MYH10: variants seen among roughly 807,000 people sequenced by gnomAD.
The protein encoded by MYH10 is myosin-10.
Under a neutral mutation model 257.8 loss-of-function variants are expected in MYH10, and 55 were observed. The ratio of observed to expected loss-of-function variants is 0.21; its 90% CI spans 0.17 to 0.27. MYH10 has a LOEUF of 0.27. MYH10 is among the 10% of genes least tolerant of loss of function. The probability of loss-of-function intolerance (pLI) is 1.00; values close to 1 mark genes in which losing one functional copy is unlikely to be tolerated. For missense variants in MYH10, 1,631 were observed against 2,500.6 expected (o/e 0.65, Z 7.42); for synonymous variants, 854 against 921.7 (o/e 0.93, Z 1.33).
Position 8,477,062 on chromosome 17 carries a change from C to A in MYH10, c.5707-14G>T, listed in dbSNP as rs1219731711. ...GGCCTTCTCCATCTTGGGGAGGGTA[C>A]ATGAACCAAAACAAACCAAACTGGT... is the stretch of plus-strand genomic sequence containing the variant. On this transcript the variant is annotated splice_polypyrimidine_tract_variant and intron_variant, in intron 41 of 42. Transcript: ENST00000360416. This position sits in a 1 kb window ranked among gnomAD's most constrained non-coding sequence, Gnocchi z 4.2. The A allele has an allele frequency of 1.2e-6, 2 of 1,613,404 alleles. No homozygotes were observed. The highest frequency in any genetic ancestry group is 2.7e-5 in the African/African-American group (2 of 74,932).
chr17:8,552,240 CTTCT>C lies in MYH10; in HGVS notation c.821-100_821-97del, dbSNP rs1567889861. The C allele has an allele frequency of 2.1e-5, 11 of 513,782 alleles. No individual in the cohort carries two copies. Among genetic ancestry groups the C allele is most frequent in the Non-Finnish European group, 3.6e-5 (11 of 306,848 alleles). The allele number at this position is 513,782 out of a possible 1,614,324, so 31.8% of individuals were successfully genotyped here. On this transcript the variant is annotated intron_variant, in intron 8 of 42. Coordinates refer to ENST00000360416, the MANE Select transcript of MYH10 (RefSeq NM_001256012.3). The surrounding 1 kb of genome is among the most constrained non-coding windows in gnomAD (Gnocchi z 4.8). ...TCTGTAAATTTAAATCATAAAACAT[CTTCT>C]TTCTCTGATTATTATATAAACTATC... is the stretch of plus-strand genomic sequence containing the variant.
chr17:8,531,603 CT>C (rs1268483016), intron 16 of MYH10, among the ~76,000 whole-genome samples: 5 of 148,004 alleles, frequency 3.4e-5, no homozygotes, highest in African/African-American at 1.3e-4. Flanking sequence ...GTTGCCCAGG[CT>C]GGTCTTAAAC....
intron 17 of MYH10, among the ~76,000 whole-genome samples, chr17:8,525,217 G>A (rs111518230): frequency 6.6e-6 from 1 of 152,108 alleles, no homozygotes; most frequent in African/African-American, 2.4e-5. Flanking sequence ...CTACCTCAGG[G>A]AACCCTTCTT....
Position 8,604,848 on chromosome 17 carries a change from A to G in MYH10, c.480T>C (p.Ser160=). ...MPPHIYAISE[S]AYRCMLQDRE... ...TACCTTGAAGCATGCATCTGTAAGC[A>G]GATTCAGATATAGCATAGATGTGTG... Residue 160 remains serine, a synonymous_variant, in exon 3 of 43, where the codon TCT becomes TCC. Transcript: ENST00000360416. The G allele has an allele frequency of 6.4e-7, 1 of 1,571,490 alleles. No homozygotes were observed. Among genetic ancestry groups the G allele is most frequent in the Non-Finnish European group, 8.6e-7 (1 of 1,159,486 alleles).
In MYH10 at chr17:8,552,817, C is replaced by T. The variant is rs188445445; in HGVS notation, c.821-673G>A. 4.6e-5 allele frequency among the ~76,000 whole-genome samples: 7 copies of T among 152,372 alleles called. No individual in the cohort carries two copies. The highest frequency in any genetic ancestry group is 1.3e-4 in the Admixed American group (2 of 15,308). On this transcript the variant is annotated intron_variant, in intron 8 of 42. Transcript: ENST00000360416. The surrounding 1 kb of genome is among the most constrained non-coding windows in gnomAD (Gnocchi z 4.8). ...GAAGAACCGGTGCGGCCAGTACCTA[C>T]GCCTGCTGCTACCCACCCTGCCTGG...
Position 8,569,824 on chromosome 17 carries a change from T to TAC in MYH10, c.664-14_664-13dup, listed in dbSNP as rs781301559. Reference sequence around the variant, plus strand: ...CGTTCAAGTTCCCCCTAAAAGACATTACACACACACAAATAAAAGCAGATG... The same window carrying TAC: ...CGTTCAAGTTCCCCCTAAAAGACATTACACACACACACAAATAAAAGCAGATG... On this transcript the variant is annotated splice_polypyrimidine_tract_variant and intron_variant, in intron 6 of 42. Coordinates refer to ENST00000360416, the MANE Select transcript of MYH10 (RefSeq NM_001256012.3). This position sits in a 1 kb window ranked among gnomAD's most constrained non-coding sequence, Gnocchi z 4.1. 30 of 1,581,604 alleles carry TAC rather than the reference T, an allele frequency of 1.9e-5. No homozygotes were observed. Among genetic ancestry groups the TAC allele is most frequent in the Admixed American group, 6.9e-5 (4 of 58,072 alleles).
intron 7 of MYH10, among the ~76,000 whole-genome samples, chr17:8,558,585 A>G (rs2082885270): frequency 6.6e-6 from 1 of 152,252 alleles, no homozygotes; most frequent in Admixed American, 6.5e-5. Flanking sequence ...CTAAGTTGTA[A>G]CATCTACTAT....
Position 8,508,721 on chromosome 17 carries a change from G to T in MYH10, c.3091-44C>A. ...CTGCTTCAGAAAAGCCATTCAGAAT[G>T]ACCACTTGGGTTCTGTATTCCTCAT... On this transcript the variant is annotated intron_variant, in intron 25 of 42. Coordinates refer to ENST00000360416, the MANE Select transcript of MYH10 (RefSeq NM_001256012.3). The T allele has an allele frequency of 1.9e-6, 3 of 1,609,748 alleles. No homozygotes were observed. The South Asian group carries it at 3.3e-5, about 18-fold the overall frequency.
rs1020191474 is a variant in MYH10, at chr17:8,619,824, G to A, written c.345+3078C>T. Among the ~76,000 whole-genome samples the A allele has an allele frequency of 2.0e-5, 3 of 152,172 alleles. 1 individual carries two copies. The highest frequency in any genetic ancestry group is 4.4e-5 in the Non-Finnish European group (3 of 68,024). ...GCCTGTAATCCTAGCTGATAGGGAGGCTGAGGCAGGAGAATCACTTGAACC... is the reference window on the plus strand; with the variant it reads ...GCCTGTAATCCTAGCTGATAGGGAGACTGAGGCAGGAGAATCACTTGAACC... On this transcript the variant is annotated intron_variant, in intron 2 of 42. Transcript: ENST00000360416.
intron 4 of MYH10, among the ~76,000 whole-genome samples, chr17:8,582,421 A>C (rs942158271): frequency 2.0e-5 from 3 of 151,978 alleles, no homozygotes; most frequent in African/African-American, 7.2e-5. Flanking sequence ...CTTACACTTT[A>C]AGTGGCTGGT....
intron 3 of MYH10, among the ~76,000 whole-genome samples, chr17:8,590,036 C>T (rs1364645271): frequency 6.6e-6 from 1 of 152,088 alleles, no homozygotes; most frequent in African/African-American, 2.4e-5. Flanking sequence ...TTTGTCATTG[C>T]CTAGAAAGGA....
chr17:8,613,287 G>A lies in MYH10; in HGVS notation c.346-8305C>T, dbSNP rs187703193. Among the ~76,000 whole-genome samples, 33 of 152,208 alleles carry A rather than the reference G, an allele frequency of 2.2e-4. No individual in the cohort carries two copies. The East Asian group carries it at 6.0e-3, about 28-fold the overall frequency. On this transcript the variant is annotated intron_variant, in intron 2 of 42. Transcript: ENST00000360416. ...GGACGAGTAGATACTTCAGATAAAAGGGGCCCTTTCTAAAAGAACGGAAGC... is the reference window on the plus strand; with the variant it reads ...GGACGAGTAGATACTTCAGATAAAAAGGGCCCTTTCTAAAAGAACGGAAGC...
chr17:8,607,122 AT>A (rs2084841638), intron 2 of MYH10, among the ~76,000 whole-genome samples: 1 of 152,208 alleles, frequency 6.6e-6, no homozygotes, highest in African/African-American at 2.4e-5. Flanking sequence ...ACGTTAACAA[AT>A]CGCAACCATA....
At chr17:8,487,684 C>T (rs1915098822) in intron 35 of MYH10, 90 bp from the exon 36 acceptor site, 1 of 1,478,074 alleles carries the variant, frequency 6.8e-7, no homozygotes, top group African/African-American at 1.4e-5. Context: ...GCTCTGGTTA[C>T]TCGGGTGAGT....
Position 8,535,665 on chromosome 17 carries a change from G to C in MYH10, c.1779+93C>G, listed in dbSNP as rs1335391776. On this transcript the variant is annotated intron_variant, in intron 15 of 42. Transcript: ENST00000360416. The surrounding 1 kb of genome is among the most constrained non-coding windows in gnomAD (Gnocchi z 4.3). ...ATATATACTGTATTTGTTTATAAAT[G>C]TTTATCAGCACCTTTGTTACACCTT... The C allele has an allele frequency of 7.4e-7, 1 of 1,346,268 alleles. No individual in the cohort carries two copies. Among genetic ancestry groups the C allele is most frequent in the Non-Finnish European group, 1.0e-6 (1 of 968,894 alleles). 83.4% of individuals were successfully genotyped at this position (1,346,268 alleles called of 1,614,324 possible).
intron 7 of MYH10, among the ~76,000 whole-genome samples, chr17:8,559,863 C>T (rs567853429): frequency 6.6e-6 from 1 of 152,268 alleles, no homozygotes; most frequent in East Asian, 1.9e-4. Flanking sequence ...ATTATCTATA[C>T]ACTACCTCAT....
At chr17:8,512,718 C>T (rs1368493841) in intron 23 of MYH10, 61 bp from the exon 24 acceptor site, 31 of 1,364,614 alleles carry the variant, frequency 2.3e-5, no homozygotes, top group Middle Eastern at 1.8e-4. Flanking sequence ...AGTATATATT[C>T]GCCGTGATTT....
At position 8,572,240 on chromosome 17, in the gene MYH10, G is replaced by GTT. The variant is rs869152456; in HGVS notation, c.664-2429_664-2428insAA. On this transcript the variant is annotated intron_variant, in intron 6 of 42. Transcript: ENST00000360416. The stretch of plus-strand genomic sequence containing the variant: ...TTTCTTTTCCTCTCTGTGTGTGTGT[G>GTT]TGTGTGTGTGTGTGTGTGAGTGAGA... Among the ~76,000 whole-genome samples, 26 of 146,030 alleles carry GTT rather than the reference G, an allele frequency of 1.8e-4. No individual in the cohort carries two copies. In the South Asian group the frequency reaches 3.7e-3, roughly 21 times the overall value.
At chr17:8,612,398 G>GA (rs2085075504) in intron 2 of MYH10, among the ~76,000 whole-genome samples, 2 of 152,142 alleles carry the variant, frequency 1.3e-5, no homozygotes, top group Admixed American at 1.3e-4. Flanking sequence ...CTAGGAAAAA[G>GA]AAATTCATCA....
Sources: allele counts gnomAD v4.1 joint callset (sites outside exome capture counted in the v4.1 genomes callset), GRCh38; gene constraint gnomAD v4.1.1; non-coding constraint Gnocchi (gnomAD v3.1); transcripts MANE v1.5; gene names NCBI Gene and HGNC (gene_info 2026-07-23, HGNC 2026-07-21).